Variants in PDE10A observed in about 807,000 individuals in gnomAD.
PDE10A encodes the protein cAMP and cAMP-inhibited cGMP 3',5'-cyclic phosphodiesterase 10A.
In PDE10A, 39 loss-of-function variants were observed where a neutral mutation model predicts 97.7. The observed-to-expected ratio is 0.40, with a 90% CI of 0.31 to 0.52. The LOEUF is 0.52. Ranked by LOEUF, PDE10A falls within the 20% of genes least tolerant of loss-of-function variation. The probability of loss-of-function intolerance (pLI) is 0.56; values close to 1 mark genes in which losing one functional copy is unlikely to be tolerated. For missense variants in PDE10A, 731 were observed against 1,047.8 expected (o/e 0.70, Z 4.17); for synonymous variants, 371 against 376.8 (o/e 0.98, Z 0.18).
intron 1 of PDE10A, among the ~76,000 whole-genome samples, chr6:165,740,648 TACTC>T (rs1792698416): frequency 6.6e-6 from 1 of 152,142 alleles, no homozygotes; most frequent in South Asian, 2.1e-4. Flanking sequence ...GATGGAATAT[TACTC>T]AGCCTTAAAA....
At chr6:165,694,697 CTA>C (rs1333556560) in intron 1 of PDE10A, among the ~76,000 whole-genome samples, 1 of 152,202 alleles carries the variant, frequency 6.6e-6, no homozygotes, top group African/African-American at 2.4e-5. Flanking sequence ...CTGTAAGCTC[CTA>C]TGTGTCAAAA....
chr6:165,561,343 G>T (rs965414865), intron 1 of PDE10A, among the ~76,000 whole-genome samples: 3 of 152,132 alleles, frequency 2.0e-5, no homozygotes, highest in Admixed American at 2.0e-4. Context: ...GACCAGCCAT[G>T]CTTCCTATGC....
chr6:165,638,962 T>A (rs1185948269), intron 1 of PDE10A, among the ~76,000 whole-genome samples: 1 of 151,580 alleles, frequency 6.6e-6, no homozygotes, highest in Non-Finnish European at 1.5e-5. Context: ...CTGATTTTTA[T>A]AGTCTACAAA....
intron 2 of PDE10A, among the ~76,000 whole-genome samples, chr6:165,539,073 G>A (rs1783267980): frequency 6.6e-6 from 1 of 152,060 alleles, no homozygotes; most frequent in Non-Finnish European, 1.5e-5. Context: ...GGATGTATCG[G>A]CTTTAATGCT....
At chr6:165,791,105 C>T (rs1261489624) in intron 1 of PDE10A, among the ~76,000 whole-genome samples, 1 of 151,988 alleles carries the variant, frequency 6.6e-6, no homozygotes, top group Non-Finnish European at 1.5e-5. Flanking sequence ...CCACCATGCC[C>T]AGCTAATTTT....
chr6:165,686,167 ACAC>A (rs1791111048), intron 1 of PDE10A, among the ~76,000 whole-genome samples: 1 of 138,040 alleles, frequency 7.2e-6, no homozygotes, highest in Non-Finnish European at 1.6e-5. Flanking sequence ...ACACACACAC[ACAC>A]ACAGGCTGTG....
chr6:165,602,426 C>A (rs1787006651), intron 1 of PDE10A, among the ~76,000 whole-genome samples: 1 of 152,170 alleles, frequency 6.6e-6, no homozygotes, highest in South Asian at 2.1e-4. Flanking sequence ...AGAAATGTAG[C>A]ACCAGAGTGC....
chr6:165,860,557 G>A (rs1456726699), intron 1 of PDE10A, among the ~76,000 whole-genome samples: 2 of 152,222 alleles, frequency 1.3e-5, no homozygotes, highest in Non-Finnish European at 2.9e-5. Context: ...GACGCAGAAC[G>A]GCAACTGTTG....
At chr6:165,504,728 T>C (rs1018974643) in intron 2 of PDE10A, among the ~76,000 whole-genome samples, 1 of 152,138 alleles carries the variant, frequency 6.6e-6, no homozygotes, top group Non-Finnish European at 1.5e-5. Context: ...CATAAAATCT[T>C]ACTAATAATA....
At chr6:165,891,764 T>C (rs548134920) in intron 1 of PDE10A, among the ~76,000 whole-genome samples, 1 of 152,268 alleles carries the variant, frequency 6.6e-6, no homozygotes, top group East Asian at 1.9e-4. Flanking sequence ...GCATCTGTAA[T>C]GTAATTCTAG....
intron 5 of PDE10A, among the ~76,000 whole-genome samples, chr6:165,448,709 AACACACACACACAC>A (rs10645551): frequency 1.4e-5 from 2 of 147,396 alleles, no homozygotes; most frequent in Non-Finnish European, 3.0e-5. Context: ...AGCCAAAGGA[AACACACACACACAC>A]ACACACACAC....
At chr6:165,960,837 T>C (rs1212999158) in intron 1 of PDE10A, among the ~76,000 whole-genome samples, 2 of 151,936 alleles carry the variant, frequency 1.3e-5, no homozygotes, top group Admixed American at 1.3e-4. Flanking sequence ...TGTGAGTGAG[T>C]GTCTAATGGC....
intron 1 of PDE10A, among the ~76,000 whole-genome samples, chr6:165,980,018 A>G (rs555394641): frequency 1.3e-5 from 2 of 152,382 alleles, no homozygotes; most frequent in African/African-American, 2.4e-5. Flanking sequence ...AGATGGATGT[A>G]ATGCAACACC....
intron 17 of PDE10A, among the ~76,000 whole-genome samples, chr6:165,380,206 A>C (rs1435113335): frequency 6.6e-6 from 1 of 152,250 alleles, no homozygotes; most frequent in Non-Finnish European, 1.5e-5. Context: ...GATGCAGTCA[A>C]TTTGCAGATT....
chr6:165,831,638 C>G (rs1158017247), intron 1 of PDE10A, among the ~76,000 whole-genome samples: 3 of 151,570 alleles, frequency 2.0e-5, no homozygotes, highest in Non-Finnish European at 4.4e-5. Context: ...GCGCCCGCCA[C>G]CACGCCCGGC....
chr6:165,792,857 G>A (rs1340231388), intron 1 of PDE10A, among the ~76,000 whole-genome samples: 3 of 152,170 alleles, frequency 2.0e-5, no homozygotes, highest in African/African-American at 4.8e-5. Context: ...CATACTTAGA[G>A]GTTTTAAGTG....
In PDE10A at chr6:165,362,963, G is replaced by C. The variant is rs532759161; in HGVS notation, c.2783+16231C>G. On this transcript the variant is annotated intron_variant, in intron 18 of 21. Transcript: ENST00000539869. ...ACTAATAGAATAAATAACAAAAACT[G>C]CTTGATAATCTCGATAGATGCAGAT... Among the ~76,000 whole-genome samples the C allele has an allele frequency of 6.6e-5, 10 of 152,112 alleles. No individual in the cohort carries two copies. The South Asian group carries it at 2.1e-3, about 32-fold the overall frequency.
At chr6:165,679,605 C>T (rs1790921211) in intron 1 of PDE10A, among the ~76,000 whole-genome samples, 1 of 152,188 alleles carries the variant, frequency 6.6e-6, no homozygotes, top group Non-Finnish European at 1.5e-5. Flanking sequence ...TCACAGTCCC[C>T]TTCAGGTCAA....
chr6:165,637,260 T>C (rs1382256386), intron 1 of PDE10A, among the ~76,000 whole-genome samples: 3 of 152,038 alleles, frequency 2.0e-5, no homozygotes, highest in African/African-American at 4.8e-5. Context: ...GAATCACAGA[T>C]CAAGGCTGAA....
Sources: gnomAD v4.1 joint callset for allele counts (sites outside exome capture counted in the v4.1 genomes callset) on GRCh38, gnomAD v4.1.1 for gene constraint, MANE v1.5 for transcripts, NCBI Gene and HGNC (gene_info 2026-07-23, HGNC 2026-07-21) for gene names.